Variants in KCNMA1 observed in about 807,000 individuals in gnomAD.
KCNMA1 encodes the protein Calcium-activated potassium channel subunit alpha-1.
In KCNMA1, 29 loss-of-function variants were observed where a neutral mutation model predicts 140.0. That is an observed-to-expected ratio of 0.21 (90% confidence interval 0.15 to 0.28). KCNMA1 has a LOEUF of 0.28. Ranked by LOEUF, KCNMA1 falls within the 10% of genes least tolerant of loss-of-function variation. The pLI is 1.00. For missense variants in KCNMA1, 880 were observed against 1,602.2 expected, an observed-to-expected ratio of 0.55 and a Z score of 7.70; for synonymous variants, 612 against 611.9, an observed-to-expected ratio of 1.00 and a Z score of 0.00.
intron 1 of KCNMA1, among the ~76,000 whole-genome samples, chr10:77,588,369 G>T (rs1210432230): frequency 6.6e-6 from 1 of 152,186 alleles, no homozygotes; most frequent in Non-Finnish European, 1.5e-5. Context: ...TCTGGATGTA[G>T]GAGAAGGCTG....
chr10:77,598,995 G>C (rs1429230708), intron 1 of KCNMA1, among the ~76,000 whole-genome samples: 1 of 152,222 alleles, frequency 6.6e-6, no homozygotes, highest in African/African-American at 2.4e-5. Flanking sequence ...GGTTGGTCCA[G>C]GGGGCCAGGC....
At chr10:77,636,806 A>G (rs1190269445) in intron 1 of KCNMA1, 2 of 1,444,634 alleles carry the variant, frequency 1.4e-6, no homozygotes, top group African/African-American at 1.4e-5. Flanking sequence ...CATCTCCCCA[A>G]CAGGTTCCTA....
Position 77,633,340 on chromosome 10 carries a change from G to C in KCNMA1, c.378+3925C>G, listed in dbSNP as rs2093415935. On this transcript the variant is annotated intron_variant, in intron 1 of 27. Transcript: ENST00000286628. Reference sequence around the variant, plus strand: ...AAAAAAAAAAATTAATAAAAGGAGAGAGAGAGAGAGCAAGGAATGAGGAGC... The same window carrying C: ...AAAAAAAAAAATTAATAAAAGGAGACAGAGAGAGAGCAAGGAATGAGGAGC... Among the ~76,000 whole-genome samples, 3 of 151,998 alleles carry C rather than the reference G, an allele frequency of 2.0e-5. No homozygotes were observed. The South Asian group carries it at 6.2e-4, about 32-fold the overall frequency.
chr10:77,073,345 C>T, intron 13 of KCNMA1, 93 bp from the exon 14 acceptor site: 2 of 1,251,440 alleles, frequency 1.6e-6, no homozygotes, highest in Non-Finnish European at 2.3e-6. Flanking sequence ...CCCAACCACT[C>T]AGGGCCATCC....
downstream of KCNMA1, chr10:76,884,612 CAGAT>C (rs1016347543): frequency 2.2e-4 from 42 of 187,918 alleles, no homozygotes; most frequent in Non-Finnish European, 2.7e-4. Flanking sequence ...AGGCCACGTG[CAGAT>C]TAAAAGGCAA....
chr10:76,937,713 C>T (rs943795803), intron 23 of KCNMA1, among the ~76,000 whole-genome samples: 1 of 152,142 alleles, frequency 6.6e-6, no homozygotes. Flanking sequence ...GGAAGGTGTA[C>T]CCTATGCCCC....
chr10:77,458,060 A>G (rs766750368), intron 1 of KCNMA1, among the ~76,000 whole-genome samples: 47 of 152,280 alleles, frequency 3.1e-4, no homozygotes, highest in East Asian at 1.2e-3. Flanking sequence ...CACGCTAGCT[A>G]CTAAGTCCTC....
In KCNMA1 at chr10:76,886,615, C is replaced by G. The variant is rs2037073617; in HGVS notation, c.*651G>C. ...TAAGAACTCCCAGAGGGAACTGGCT[C>G]TGGGACAAAAGGCCTTGGTGAGTAA... On this transcript the variant is annotated 3_prime_UTR_variant, in exon 28 of 28. Coordinates refer to ENST00000286628, the MANE Select transcript of KCNMA1 (RefSeq NM_001161352.2). 1.0e-6 allele frequency: 1 copy of G among 989,454 alleles called. No homozygotes were observed. Among genetic ancestry groups the G allele is most frequent in the African/African-American group, 1.7e-5 (1 of 57,238 alleles). The allele number at this position is 989,454 out of a possible 1,614,324, so 61.3% of individuals were successfully genotyped here. A position where few individuals can be genotyped will look rare whatever the true frequency, so the allele number is the denominator to read the frequency against.
chr10:77,327,176 A>T (rs2084518981), intron 2 of KCNMA1, among the ~76,000 whole-genome samples: 1 of 151,890 alleles, frequency 6.6e-6, no homozygotes, highest in Non-Finnish European at 1.5e-5. Flanking sequence ...GGTGATTATT[A>T]ACCCTTCTGC....
chr10:76,897,829 A>G (rs2043248650), intron 25 of KCNMA1, among the ~76,000 whole-genome samples: 1 of 151,994 alleles, frequency 6.6e-6, no homozygotes, highest in Non-Finnish European at 1.5e-5. Context: ...ATGAGATGAG[A>G]TAGAGATGAT....
chr10:77,212,834 G>A (rs2046509075), intron 3 of KCNMA1, among the ~76,000 whole-genome samples: 2 of 151,932 alleles, frequency 1.3e-5, no homozygotes, highest in South Asian at 2.1e-4. Flanking sequence ...ACCACACTTC[G>A]TCAGAGAAAA....
chr10:77,528,389 A>T (rs1248549304), intron 1 of KCNMA1, among the ~76,000 whole-genome samples: 1 of 152,146 alleles, frequency 6.6e-6, no homozygotes, highest in Admixed American at 6.5e-5. Flanking sequence ...CAGGCAGATC[A>T]CCTGAGGTCA....
chr10:77,346,077 C>T (rs1260321805), intron 2 of KCNMA1, among the ~76,000 whole-genome samples: 1 of 152,166 alleles, frequency 6.6e-6, no homozygotes, highest in Non-Finnish European at 1.5e-5. Context: ...GTAAACGTTG[C>T]TTTAATTGAA....
At chr10:77,359,812 A>G (rs1033133852) in intron 2 of KCNMA1, among the ~76,000 whole-genome samples, 4 of 152,196 alleles carry the variant, frequency 2.6e-5, no homozygotes, top group African/African-American at 9.7e-5. Context: ...TGTGTTTTTC[A>G]AATAAATAAG....
intron 10 of KCNMA1, among the ~76,000 whole-genome samples, chr10:77,088,111 C>T (rs1438391241): frequency 6.6e-6 from 1 of 152,142 alleles, no homozygotes; most frequent in Non-Finnish European, 1.5e-5. Context: ...TAGGCATGTG[C>T]CACCATGCCC....
chr10:77,556,774 C>G (rs1396759923), intron 1 of KCNMA1, among the ~76,000 whole-genome samples: 4 of 152,110 alleles, frequency 2.6e-5, no homozygotes. Context: ...TCCCTCCGCA[C>G]ACAATAGTCA....
At chr10:77,491,916 C>T (rs1490799031) in intron 1 of KCNMA1, among the ~76,000 whole-genome samples, 1 of 152,184 alleles carries the variant, frequency 6.6e-6, no homozygotes, top group African/African-American at 2.4e-5. Context: ...AGACCATAAA[C>T]CCATAGCCCT....
chr10:77,096,888 G>A (rs887924833), intron 9 of KCNMA1, among the ~76,000 whole-genome samples: 1 of 152,090 alleles, frequency 6.6e-6, no homozygotes, highest in South Asian at 2.1e-4. Flanking sequence ...CTCCCAAAAT[G>A]CATCTCACCA....
At chr10:77,481,537 G>T (rs1257211892) in intron 1 of KCNMA1, among the ~76,000 whole-genome samples, 1 of 152,086 alleles carries the variant, frequency 6.6e-6, no homozygotes, top group East Asian at 1.9e-4. Flanking sequence ...CACTTTGGGA[G>T]GCCGAGACGG....
Sources: allele counts gnomAD v4.1 joint callset (sites outside exome capture counted in the v4.1 genomes callset), GRCh38; gene constraint gnomAD v4.1.1; transcripts MANE v1.5; gene names NCBI Gene and HGNC (gene_info 2026-07-23, HGNC 2026-07-21).